Variants in ARHGAP44 observed in about 807,000 individuals in gnomAD.
The protein encoded by ARHGAP44 is rho GTPase-activating protein 44.
A neutral mutation model predicts 106.8 loss-of-function variants in ARHGAP44; 43 were observed. The ratio of observed to expected loss-of-function variants is 0.40; its 90% CI spans 0.32 to 0.52. The LOEUF (loss-of-function observed/expected upper bound fraction) is 0.52, where lower values mean the gene tolerates loss of function less well. ARHGAP44 is among the 20% of genes least tolerant of loss of function. ARHGAP44 has a pLI of 0.48. For synonymous variants in ARHGAP44, 439 were observed against 410.3 expected, an observed-to-expected ratio of 1.07 and a Z score of -0.85; for missense variants, 866 against 1,050.5, an observed-to-expected ratio of 0.82 and a Z score of 2.43.
intron 1 of ARHGAP44, among the ~76,000 whole-genome samples, chr17:12,884,333 T>C (rs760196116): frequency 2.0e-5 from 3 of 152,226 alleles, no homozygotes; most frequent in Non-Finnish European, 4.4e-5. Context: ...TTTTCAATCA[T>C]TAACTTTTTA....
chr17:12,849,214 CGT>C (rs112920406), intron 1 of ARHGAP44, among the ~76,000 whole-genome samples: 28 of 149,096 alleles, frequency 1.9e-4, no homozygotes, highest in Non-Finnish European at 2.2e-4. Flanking sequence ...CTGAGGTGGG[CGT>C]GTGTGTGTGT....
At chr17:12,792,618 T>C (rs1161553203) in intron 1 of ARHGAP44, among the ~76,000 whole-genome samples, 2 of 152,208 alleles carry the variant, frequency 1.3e-5, no homozygotes, top group African/African-American at 4.8e-5. Context: ...ATTTGGACTT[T>C]AGGTGTGCAG....
At chr17:12,972,998 G>C in intron 16 of ARHGAP44, 1 of 354,262 alleles carries the variant, frequency 2.8e-6, no homozygotes, top group East Asian at 4.8e-5. Context: ...AAAGAAGTGA[G>C]CAGATGACTA....
chr17:12,825,240 G>A (rs1474640524), intron 1 of ARHGAP44, among the ~76,000 whole-genome samples: 2 of 151,988 alleles, frequency 1.3e-5, no homozygotes, highest in Non-Finnish European at 2.9e-5. Flanking sequence ...GTTTTGTCAT[G>A]TTGCCCAGGC....
In ARHGAP44 at chr17:12,984,759, T is replaced by G. The variant is rs780811979; in HGVS notation, c.2168T>G (p.Leu723Trp). Reference protein sequence around the residue: ...LASPSVFTSTLSKSRPTPKPR... With the variant: ...LASPSVFTSTWSKSRPTPKPR... ...TCTCCTTCTGTCTTTACAAGCACTTTGAGCAAATCGCGGCCCACTCCTAAG... is the reference window on the plus strand; with the variant it reads ...TCTCCTTCTGTCTTTACAAGCACTTGGAGCAAATCGCGGCCCACTCCTAAG... The change falls in exon 20 of 21, where the codon TTG (leucine) becomes TGG (tryptophan). Residue 723 changes from leucine (L) to tryptophan (W), a missense_variant. This residue lies in a region of ARHGAP44 where 418 missense variants were observed against 403.6 expected (regional missense o/e 1.04). Transcript: ENST00000379672. 3.1e-6 allele frequency: 5 copies of G among 1,613,846 alleles called. No homozygotes were observed. In the African/African-American group the frequency reaches 5.3e-5, roughly 17 times the overall value.
chr17:12,926,581 A>T (rs2038254673), intron 6 of ARHGAP44, among the ~76,000 whole-genome samples: 1 of 148,322 alleles, frequency 6.7e-6, no homozygotes, highest in Non-Finnish European at 1.5e-5. Flanking sequence ...AAAATTTCTT[A>T]TAAAAAGGGG....
intron 1 of ARHGAP44, among the ~76,000 whole-genome samples, chr17:12,851,223 C>T (rs1195845570): frequency 6.6e-6 from 1 of 152,214 alleles, no homozygotes; most frequent in Non-Finnish European, 1.5e-5. Flanking sequence ...CCCTGCATCT[C>T]CCACGTGCAG....
In ARHGAP44 at chr17:12,933,133, C is replaced by T. The variant is rs1001984902; in HGVS notation, c.582+4087C>T. On this transcript the variant is annotated intron_variant, in intron 7 of 20. Transcript: ENST00000379672. ...TTATTTTTACTTTGTTGGTTGCCAA[C>T]TGTTTTAAATATCTACCTTGGTTTT... is the stretch of plus-strand genomic sequence containing the variant. Among the ~76,000 whole-genome samples, 85 of 152,160 alleles carry T rather than the reference C, an allele frequency of 5.6e-4. 1 individual carries two copies. Among genetic ancestry groups the T allele is most frequent in the African/African-American group, 2.0e-3 (82 of 41,426 alleles).
rs114841852 is a variant in ARHGAP44 at position 12,877,108 on chromosome 17, C to A, written c.54-17832C>A. ...TTATCTGAAATTGTTTGTAATAAGA[C>A]CGTCTCTGCATCATGGCTGAAAAAG... On this transcript the variant is annotated intron_variant, in intron 1 of 20. Transcript: ENST00000379672. Among the ~76,000 whole-genome samples, 1,117 of 152,192 alleles carry A rather than the reference C, an allele frequency of 7.3e-3. 17 individuals carry two copies. The highest frequency in any genetic ancestry group is 0.026 in the African/African-American group (1,063 of 41,514).
At chr17:12,851,940 G>A (rs891375162) in intron 1 of ARHGAP44, among the ~76,000 whole-genome samples, 6 of 151,626 alleles carry the variant, frequency 4.0e-5, no homozygotes, top group African/African-American at 1.5e-4. Context: ...AAATCAGTTG[G>A]TATAAAAATG....
chr17:12,913,195 A>G (rs2037792382), intron 4 of ARHGAP44, among the ~76,000 whole-genome samples: 1 of 152,218 alleles, frequency 6.6e-6, no homozygotes, highest in African/African-American at 2.4e-5. Flanking sequence ...TTAGCACACA[A>G]AACTCATAAA....
At chr17:12,943,721 T>C in intron 9 of ARHGAP44, 52 bp downstream of exon 9, 1 of 1,561,204 alleles carries the variant, frequency 6.4e-7, no homozygotes. Context: ...CTGCTTGCCT[T>C]CCCGGATGAG....
intron 1 of ARHGAP44, among the ~76,000 whole-genome samples, chr17:12,802,327 G>A (rs1005084938): frequency 2.0e-5 from 3 of 152,170 alleles, no homozygotes; most frequent in African/African-American, 7.2e-5. Context: ...TCAAAGGGAA[G>A]AGCTGGACAG....
At chr17:12,855,101 C>T (rs1356256085) in intron 1 of ARHGAP44, among the ~76,000 whole-genome samples, 3 of 152,024 alleles carry the variant, frequency 2.0e-5, no homozygotes, top group Non-Finnish European at 4.4e-5. Context: ...CCACCTTGCA[C>T]ACTGGGTGGG....
chr17:12,814,677 A>G (rs999799253), intron 1 of ARHGAP44, among the ~76,000 whole-genome samples: 1 of 152,030 alleles, frequency 6.6e-6, no homozygotes, highest in Non-Finnish European at 1.5e-5. Context: ...ATGCAAGCAT[A>G]CCTATATTGC....
chr17:12,913,074 T>G (rs2037788087), intron 4 of ARHGAP44, among the ~76,000 whole-genome samples: 2 of 152,198 alleles, frequency 1.3e-5, no homozygotes, highest in Non-Finnish European at 2.9e-5. Flanking sequence ...CAATCCGCAT[T>G]GAGACAGGTC....
In ARHGAP44 at chr17:12,843,651, CTTTTTTT is replaced by C. The variant is rs146749216; in HGVS notation, c.54-51272_54-51266del. On this transcript the variant is annotated intron_variant, in intron 1 of 20. Coordinates refer to ENST00000379672, the MANE Select transcript of ARHGAP44 (RefSeq NM_014859.6). The stretch of plus-strand genomic sequence containing the variant: ...TACATTCTCCCATAAGTATTGGTTA[CTTTTTTT>C]TTTTTTTTTTTTTTTTGAGATGGAG... Among the ~76,000 whole-genome samples the C allele has an allele frequency of 6.2e-5, 6 of 97,126 alleles. No homozygotes were observed. In the South Asian group the frequency reaches 9.9e-4, roughly 16 times the overall value. 63.7% of individuals were successfully genotyped at this position (97,126 alleles called of 152,430 possible).
chr17:12,897,034 C>T (rs1490386220), intron 3 of ARHGAP44, among the ~76,000 whole-genome samples: 1 of 152,186 alleles, frequency 6.6e-6, no homozygotes, highest in African/African-American at 2.4e-5. Flanking sequence ...TGTCTATAAC[C>T]TGCATTAGAA....
Position 12,968,772 on chromosome 17 carries a change from C to CT in ARHGAP44, c.1524-4515dup, listed in dbSNP as rs533743635. Among the ~76,000 whole-genome samples the CT allele has an allele frequency of 3.0e-3, 342 of 115,578 alleles. 1 individual carries two copies. The highest frequency in any genetic ancestry group is 0.011 in the Middle Eastern group (2 of 190). The allele number at this position is 115,578 out of a possible 152,430, so 75.8% of individuals were successfully genotyped here. On this transcript the variant is annotated intron_variant, in intron 16 of 20. Transcript: ENST00000379672. ...TTTTTCTTTTTCTTTTATTTCTTTT[C>CT]TTTTTTTTTTTTTTTGATACAGAGT...
Sources: allele counts gnomAD v4.1 joint callset (sites outside exome capture counted in the v4.1 genomes callset), GRCh38; gene constraint gnomAD v4.1.1; regional missense constraint gnomAD v4.1.1; transcripts MANE v1.5; gene names NCBI Gene and HGNC (gene_info 2026-07-23, HGNC 2026-07-21).